ECSIT: variants seen among roughly 807,000 people sequenced by gnomAD.
The protein encoded by ECSIT is ECSIT signaling integrator, also known as evolutionarily conserved signaling intermediate in Toll pathway, mitochondrial.
Under a neutral mutation model 36.8 loss-of-function variants are expected in ECSIT, and 29 were observed. The ratio of observed to expected loss-of-function variants is 0.79; its 90% CI spans 0.59 to 1.08. The LOEUF (loss-of-function observed/expected upper bound fraction) is 1.08. Ranked by LOEUF, ECSIT falls within the 50% of genes least tolerant of loss-of-function variation. ECSIT has a pLI of 0.00. For missense variants in ECSIT, 542 were observed against 581.0 expected, an observed-to-expected ratio of 0.93 and a Z score of 0.69; for synonymous variants, 231 against 234.8, an observed-to-expected ratio of 0.98 and a Z score of 0.15.
At chr19:11,506,691 C>T (rs2099241373) in intron 7 of ECSIT, among the ~76,000 whole-genome samples, 2 of 152,056 alleles carry the variant, frequency 1.3e-5, no homozygotes. Flanking sequence ...CACAGCACCA[C>T]GCCGGGCTAA....
intron 1 of ECSIT, among the ~76,000 whole-genome samples, chr19:11,527,858 G>A (rs751908423): frequency 2.6e-5 from 4 of 152,114 alleles, no homozygotes; most frequent in Non-Finnish European, 5.9e-5. Context: ...GCTGGACCTG[G>A]TGGTGTGCAC....
intron 4 of ECSIT, among the ~76,000 whole-genome samples, chr19:11,508,957 G>C (rs1159603908): frequency 6.6e-6 from 1 of 152,146 alleles, no homozygotes; most frequent in Non-Finnish European, 1.5e-5. Flanking sequence ...CCAGGAAGGA[G>C]ACACTAGAAG....
chr19:11,511,457 C>A (rs913638291), intron 4 of ECSIT, among the ~76,000 whole-genome samples: 1 of 151,738 alleles, frequency 6.6e-6, no homozygotes, highest in East Asian at 1.9e-4. Flanking sequence ...GAGCTGAGAC[C>A]GGAATAACAT....
At chr19:11,516,776 G>A (rs1972008545) in intron 2 of ECSIT, among the ~76,000 whole-genome samples, 1 of 151,826 alleles carries the variant, frequency 6.6e-6, no homozygotes, top group Non-Finnish European at 1.5e-5. Flanking sequence ...CTAGCACTTT[G>A]GGAGGCTGAG....
At chr19:11,522,459 G>C in intron 1 of ECSIT, 1 of 1,457,008 alleles carries the variant, frequency 6.9e-7, no homozygotes. Context: ...ATCAGCACAA[G>C]CCACGCTTCA....
rs1434527055 is a variant in ECSIT, at chr19:11,507,636, A to C, written c.945+66T>G. 6 of 1,613,086 alleles carry C rather than the reference A, an allele frequency of 3.7e-6. No homozygotes were observed. In the African/African-American group the frequency reaches 8.0e-5, roughly 22 times the overall value. ...CGGTCTCCCTCCTCCAGCCTCTCCC[A>C]TGCACCCTCAGGGTAGTGCCAGCCC... On this transcript the variant is annotated intron_variant, in intron 6 of 7. Transcript: ENST00000270517.
chr19:11,528,728 A>C (rs1972265581), intron 1 of ECSIT: 1 of 152,208 alleles, frequency 6.6e-6, no homozygotes, highest in South Asian at 2.1e-4. Flanking sequence ...CTGAACCCCG[A>C]GGTATGGTGT....
rs1356469446 is a variant in ECSIT at position 11,514,202 on chromosome 19, C to T, written c.116G>A (p.Arg39Gln). Residue 39 changes from arginine (R) to glutamine (Q), a missense_variant, in exon 3 of 8, where the codon CGG (arginine) becomes CAG (glutamine). Arg to Gln is a conservative substitution (Grantham distance 43, BLOSUM62 1). Coordinates refer to ENST00000270517, the MANE Select transcript of ECSIT (RefSeq NM_016581.5). ...GGCAGCTGCGCTGCAGTGGAGGCCCCGAGGGAGCCGGCGAGGGACCTGGGG... is the reference window on the plus strand; with the variant it reads ...GGCAGCTGCGCTGCAGTGGAGGCCCTGAGGGAGCCGGCGAGGGACCTGGGG... The part of the protein sequence containing the change: ...SISQVPRRLP[R>Q]GLHCSAAAHS... 7.5e-6 allele frequency: 12 copies of T among 1,605,236 alleles called. No homozygotes were observed. Among genetic ancestry groups the T allele is most frequent in the South Asian group, 2.2e-5 (2 of 90,286 alleles).
chr19:11,528,484 G>T (rs1972259785), intron 1 of ECSIT, among the ~76,000 whole-genome samples: 1 of 152,170 alleles, frequency 6.6e-6, no homozygotes, highest in Non-Finnish European at 1.5e-5. Context: ...GGGCTCAAGC[G>T]AAATTCCCGA....
chr19:11,522,480 GC>G, intron 1 of ECSIT: 1 of 1,324,140 alleles, frequency 7.6e-7, no homozygotes, highest in Non-Finnish European at 1.1e-6. Flanking sequence ...CCACCAAAAG[GC>G]CCAACACCTT....
At chr19:11,510,200 G>A (rs1971842618) in intron 4 of ECSIT, among the ~76,000 whole-genome samples, 1 of 151,300 alleles carries the variant, frequency 6.6e-6, no homozygotes, top group Admixed American at 6.6e-5. Flanking sequence ...TAAACAGACA[G>A]GATCTTGCTC....
chr19:11,509,752 AG>A (rs1468563018), intron 4 of ECSIT, among the ~76,000 whole-genome samples: 2 of 151,968 alleles, frequency 1.3e-5, no homozygotes, highest in Non-Finnish European at 2.9e-5. Context: ...TGGGCGACAG[AG>A]CAAGGCTCTG....
At position 11,522,463 on chromosome 19, in the gene ECSIT, C is replaced by T. The variant is rs908021739; in HGVS notation, c.-23-3270G>A. On this transcript the variant is annotated intron_variant, in intron 1 of 7. Coordinates refer to ENST00000270517, the MANE Select transcript of ECSIT (RefSeq NM_016581.5). ...GGTCCTGCGCCATCAGCACAAGCCA[C>T]GCTTCACCACCAAAAGGCCCAACAC... 86 of 1,446,670 alleles carry T rather than the reference C, an allele frequency of 5.9e-5. 1 individual carries two copies. Among genetic ancestry groups the T allele is most frequent in the Non-Finnish European group, 6.8e-5 (71 of 1,046,498 alleles). The allele number at this position is 1,446,670 out of a possible 1,614,324, so 89.6% of individuals were successfully genotyped here.
intron 1 of ECSIT, among the ~76,000 whole-genome samples, chr19:11,526,879 C>T (rs954125190): frequency 2.6e-5 from 4 of 151,982 alleles, no homozygotes; most frequent in Admixed American, 6.6e-5. Context: ...GCCACCACAC[C>T]CAGCTAATTT....
intron 2 of ECSIT, 118 bp from the exon 3 acceptor site, chr19:11,514,339 A>G: frequency 1.0e-6 from 1 of 976,710 alleles, no homozygotes; most frequent in South Asian, 1.7e-5. Context: ...GGAGGTATGG[A>G]ACTGTGGTTA....
intron 2 of ECSIT, chr19:11,516,378 T>C (rs1162568102): frequency 6.6e-6 from 1 of 152,090 alleles, no homozygotes; most frequent in East Asian, 1.9e-4. Context: ...ATTAGAAGGG[T>C]TACATATAAG....
chr19:11,508,455 A>AT (rs1340546713), intron 4 of ECSIT, among the ~76,000 whole-genome samples: 2 of 148,188 alleles, frequency 1.3e-5, no homozygotes, highest in East Asian at 3.9e-4. Flanking sequence ...GCATGATCAT[A>AT]GCTCACTGTA....
chr19:11,506,546 T>G, intron 7 of ECSIT, 118 bp from the exon 8 acceptor site: 1 of 1,373,210 alleles, frequency 7.3e-7, no homozygotes. Context: ...TTTTTTTTTT[T>G]TTTTTTGAGA....
At chr19:11,507,875 G>A (rs1044976859) in intron 5 of ECSIT, 25 bp from the exon 6 acceptor site, 6 of 1,613,826 alleles carry the variant, frequency 3.7e-6, no homozygotes, top group Non-Finnish European at 5.1e-6. Context: ...TACATGCCCT[G>A]TGCCCTGCAA....
Sources: gnomAD v4.1 joint callset for allele counts (sites outside exome capture counted in the v4.1 genomes callset) on GRCh38, gnomAD v4.1.1 for gene constraint, MANE v1.5 for transcripts, NCBI Gene and HGNC (gene_info 2026-07-23, HGNC 2026-07-21) for gene names.